The following SCARA3 variants were observed in gnomAD, a reference collection of about 807,000 sequenced individuals.
SCARA3 encodes the protein cellular stress response gene protein.
SCARA3 carries 39 observed loss-of-function variants against 47.0 expected under a neutral mutation model. The ratio of observed to expected loss-of-function variants is 0.83; its 90% CI spans 0.64 to 1.08. The LOEUF (loss-of-function observed/expected upper bound fraction) is 1.08, where lower values mean the gene tolerates loss of function less well. Ranked by LOEUF, SCARA3 falls within the 50% of genes least tolerant of loss-of-function variation. The probability of loss-of-function intolerance (pLI) is 0.00; values close to 1 mark genes in which losing one functional copy is unlikely to be tolerated. For missense variants in SCARA3, 724 were observed against 792.3 expected (o/e 0.91, Z 1.04); for synonymous variants, 356 against 334.1 (o/e 1.07, Z -0.71).
the SCARA3 span, among the ~76,000 whole-genome samples, chr8:27,715,171 C>G: frequency 1.3e-5 from 2 of 152,162 alleles, no homozygotes; most frequent in African/African-American, 2.4e-5. This position sits in a 1 kb window ranked among gnomAD's most constrained non-coding sequence, Gnocchi z 4.2. Flanking sequence ...AACAATCCTC[C>G]CATCTTGGCC....
chr8:27,650,628 G>A (rs1801610992), intron 2 of SCARA3, among the ~76,000 whole-genome samples: 1 of 152,196 alleles, frequency 6.6e-6, no homozygotes, highest in African/African-American at 2.4e-5. Flanking sequence ...TAGTCAGAAT[G>A]TGTGGCTAAA....
chr8:27,710,987 A>G, the SCARA3 span, among the ~76,000 whole-genome samples: 1 of 146,732 alleles, frequency 6.8e-6, no homozygotes, highest in Non-Finnish European at 1.5e-5. Flanking sequence ...CAGTGGCACA[A>G]TCTCAGCTCA....
intron 3 of SCARA3, among the ~76,000 whole-genome samples, chr8:27,656,043 A>G (rs555253799): frequency 3.6e-4 from 55 of 152,230 alleles, no homozygotes; most frequent in Non-Finnish European, 3.4e-4. Context: ...GGTCAGTAGT[A>G]GCCCAATACT....
chr8:27,678,350 C>T (rs913957473), downstream of SCARA3, among the ~76,000 whole-genome samples: 2 of 152,260 alleles, frequency 1.3e-5, no homozygotes, highest in African/African-American at 4.8e-5. Context: ...ACCATCACCA[C>T]AAATCCTACA....
At chr8:27,649,860 C>A in intron 2 of SCARA3, 60 bp downstream of exon 2, 1 of 1,402,570 alleles carries the variant, frequency 7.1e-7, no homozygotes, top group Non-Finnish European at 9.9e-7. Context: ...CTGTCTCCAT[C>A]CCCAGGCCAG....
At chr8:27,721,479 C>A in the SCARA3 span, among the ~76,000 whole-genome samples, 15 of 152,076 alleles carry the variant, frequency 9.9e-5, no homozygotes, top group East Asian at 1.9e-3. Context: ...AAAAATAAAG[C>A]AAGAAATATA....
At chr8:27,714,000 C>G in the SCARA3 span, among the ~76,000 whole-genome samples, 14 of 152,000 alleles carry the variant, frequency 9.2e-5, no homozygotes, top group African/African-American at 2.2e-4. Flanking sequence ...TGGCACTTCC[C>G]CTCTTCACTC....
the SCARA3 span, among the ~76,000 whole-genome samples, chr8:27,719,999 C>T: frequency 1.3e-5 from 2 of 152,134 alleles, no homozygotes; most frequent in African/African-American, 2.4e-5. Context: ...TGCAGCTGAT[C>T]AGGGAGAACT....
downstream of SCARA3, among the ~76,000 whole-genome samples, chr8:27,674,192 G>A (rs187504029): frequency 6.6e-5 from 10 of 152,310 alleles, no homozygotes; most frequent in East Asian, 3.9e-4. Flanking sequence ...TCCAAACAGC[G>A]GAACCTGGGG....
At chr8:27,711,909 C>T in the SCARA3 span, among the ~76,000 whole-genome samples, 1 of 152,152 alleles carries the variant, frequency 6.6e-6, no homozygotes, top group Admixed American at 6.5e-5. Context: ...AATACTGACA[C>T]ACATTATTAC....
downstream of SCARA3, among the ~76,000 whole-genome samples, chr8:27,678,673 ACTT>A (rs1053308734): frequency 6.6e-6 from 1 of 152,220 alleles, no homozygotes; most frequent in Non-Finnish European, 1.5e-5. Context: ...ACACTTCCAA[ACTT>A]CTTCTGAGTC....
rs192731494 is a variant in SCARA3 at position 27,659,209 on chromosome 8, G to A, written c.1039G>A (p.Glu347Lys). The A allele has an allele frequency of 6.8e-6, 11 of 1,614,152 alleles. 1 individual carries two copies. In the Admixed American group the frequency reaches 1.0e-4, roughly 15 times the overall value. ...NRTVERFESLEGRMASHEIEI... is the reference protein window; with the variant it reads ...NRTVERFESLKGRMASHEIEI... Reference sequence around the variant, plus strand: ...CACTGTGGAGAGGTTTGAGTCTCTGGAAGGACGCATGGCTTCTCACGAGAT... The same window carrying A: ...CACTGTGGAGAGGTTTGAGTCTCTGAAAGGACGCATGGCTTCTCACGAGAT... The change falls in exon 5 of 6, where the codon GAA becomes AAA. Residue 347 changes from glutamate to lysine, a missense_variant. Physicochemically the swap from Glu to Lys is moderately conservative, Grantham distance 56 (BLOSUM62 1). Transcript: ENST00000301904.
the SCARA3 span, among the ~76,000 whole-genome samples, chr8:27,720,201 C>A: frequency 6.6e-6 from 1 of 152,032 alleles, no homozygotes; most frequent in African/African-American, 2.4e-5. Flanking sequence ...CCCTCTCTGG[C>A]AAGTAAGAAA....
chr8:27,658,995 G>A lies in SCARA3; in HGVS notation c.825G>A (p.Ala275=), dbSNP rs747566178. ...CCACCTCCACCAAGACTGGAGAGGC[G>A]GTCAAGAACATCCAGGCCACCCTGG... is the stretch of plus-strand genomic sequence containing the variant. ...LRTTSTKTGE[A]VKNIQATLGA... Residue 275 remains alanine, a synonymous_variant, in exon 5 of 6, where the codon GCG becomes GCA. Coordinates refer to ENST00000301904, the MANE Select transcript of SCARA3 (RefSeq NM_016240.3). The A allele has an allele frequency of 3.3e-5, 54 of 1,613,930 alleles. No homozygotes were observed. The highest frequency in any genetic ancestry group is 6.7e-5 in the African/African-American group (5 of 74,874).
downstream of SCARA3, among the ~76,000 whole-genome samples, chr8:27,674,518 C>T (rs1182431020): frequency 1.3e-5 from 2 of 152,144 alleles, no homozygotes; most frequent in African/African-American, 2.4e-5. Context: ...CAATTCTAAC[C>T]AAGTGCTCCT....
At chr8:27,719,279 G>T in the SCARA3 span, among the ~76,000 whole-genome samples, 2 of 152,140 alleles carry the variant, frequency 1.3e-5, no homozygotes, top group African/African-American at 4.8e-5. Flanking sequence ...TAACACAGGA[G>T]CAGAAAACCA....
chr8:27,700,614 A>T, the SCARA3 span, among the ~76,000 whole-genome samples: 1 of 1,140 alleles, frequency 8.8e-4, no homozygotes, highest in Non-Finnish European at 0.031. Context: ...CTCAAAAATA[A>T]AAAAAAAAAA....
At chr8:27,639,896 G>A (rs1384054919) in intron 1 of SCARA3, among the ~76,000 whole-genome samples, 2 of 152,214 alleles carry the variant, frequency 1.3e-5, no homozygotes, top group Admixed American at 6.5e-5. Context: ...TCATGGATCA[G>A]AGAAGGCCAG....
the SCARA3 span, among the ~76,000 whole-genome samples, chr8:27,686,822 T>A: frequency 6.6e-6 from 1 of 152,196 alleles, no homozygotes; most frequent in African/African-American, 2.4e-5. Flanking sequence ...AGGGTACATG[T>A]GCAGGATGTG....
Sources: allele counts gnomAD v4.1 joint callset (sites outside exome capture counted in the v4.1 genomes callset), GRCh38; gene constraint gnomAD v4.1.1; non-coding constraint Gnocchi (gnomAD v3.1); transcripts MANE v1.5; gene names NCBI Gene and HGNC (gene_info 2026-07-23, HGNC 2026-07-21).